Variants in AGO3 observed in about 807,000 individuals in gnomAD.
AGO3 encodes argonaute RISC catalytic component 3.
In AGO3, 16 loss-of-function variants were observed where a neutral mutation model predicts 105.5. That is an observed-to-expected ratio of 0.15 (90% CI 0.10 to 0.23). The LOEUF (loss-of-function observed/expected upper bound fraction) is 0.23. Among genes scored for constraint, AGO3 ranks in the 10% least tolerant of loss-of-function variants. The pLI is 1.00. For missense variants in AGO3, 534 were observed against 1,088.0 expected (o/e 0.49, Z 7.16); for synonymous variants, 340 against 367.3 (o/e 0.93, Z 0.85).
chr1:36,037,038 G>C (rs186930702), intron 14 of AGO3, among the ~76,000 whole-genome samples: 1 of 150,620 alleles, frequency 6.6e-6, no homozygotes, highest in African/African-American at 2.5e-5. Context: ...TTTAACATCT[G>C]CCTGTTATTT....
At chr1:36,029,457 C>T (rs1641665735) in intron 12 of AGO3, among the ~76,000 whole-genome samples, 2 of 135,880 alleles carry the variant, frequency 1.5e-5, no homozygotes, top group Admixed American at 8.0e-5. Context: ...TGCAGTGGTG[C>T]GATCTCGGCT....
intron 2 of AGO3, among the ~76,000 whole-genome samples, chr1:35,950,156 G>A (rs1646444510): frequency 6.6e-6 from 1 of 152,082 alleles, no homozygotes; most frequent in South Asian, 2.1e-4. Context: ...AGAAGGCAGA[G>A]GTTGCAGTGA....
At chr1:36,030,307 G>A (rs1641712515) in intron 12 of AGO3, among the ~76,000 whole-genome samples, 1 of 151,976 alleles carries the variant, frequency 6.6e-6, no homozygotes, top group Admixed American at 6.6e-5. Flanking sequence ...TTCAAGACTA[G>A]TCTGAGCAAC....
At chr1:36,024,455 C>T (rs1189087135) in intron 11 of AGO3, among the ~76,000 whole-genome samples, 3 of 152,014 alleles carry the variant, frequency 2.0e-5, no homozygotes, top group Non-Finnish European at 4.4e-5. Flanking sequence ...TGACATCCTC[C>T]TCTCTTGCCT....
intron 3 of AGO3, among the ~76,000 whole-genome samples, chr1:35,967,741 C>T (rs1207750583): frequency 6.6e-6 from 1 of 151,976 alleles, no homozygotes; most frequent in East Asian, 1.9e-4. Flanking sequence ...ATGTATATTC[C>T]TAAGAACAAT....
chr1:35,995,043 C>CA (rs1042999007), intron 5 of AGO3, among the ~76,000 whole-genome samples: 7 of 150,536 alleles, frequency 4.7e-5, no homozygotes, highest in African/African-American at 1.5e-4. Context: ...TACTAAAATA[C>CA]AAAAAAAATT....
chr1:35,942,501 G>A (rs1557642669), intron 1 of AGO3, among the ~76,000 whole-genome samples: 1 of 152,020 alleles, frequency 6.6e-6, no homozygotes, highest in Non-Finnish European at 1.5e-5. Flanking sequence ...TAATTCTCTA[G>A]TGAAGCCATC....
chr1:36,050,744 CA>C (rs1265270972), intron 17 of AGO3, among the ~76,000 whole-genome samples: 1 of 141,700 alleles, frequency 7.1e-6, no homozygotes, highest in African/African-American at 2.7e-5. Flanking sequence ...GAGCCGAGAT[CA>C]CACCATTGCA....
At chr1:36,042,691 T>A (rs1642300147) in intron 16 of AGO3, among the ~76,000 whole-genome samples, 1 of 152,194 alleles carries the variant, frequency 6.6e-6, no homozygotes, top group Non-Finnish European at 1.5e-5. Context: ...ATAATAAACA[T>A]TTTTAAGTGT....
intron 5 of AGO3, among the ~76,000 whole-genome samples, chr1:35,989,670 T>G (rs1557668332): frequency 1.3e-5 from 2 of 151,558 alleles, no homozygotes; most frequent in Non-Finnish European, 2.9e-5. Context: ...AGTCCAGGAG[T>G]TTGAGACCAG....
At chr1:36,043,349 T>A in intron 16 of AGO3, 98 bp from the exon 17 acceptor site, 1 of 889,902 alleles carries the variant, frequency 1.1e-6, no homozygotes, top group Non-Finnish European at 1.8e-6. Context: ...AGTAGTGAAA[T>A]GTAGGATCAG....
intron 17 of AGO3, among the ~76,000 whole-genome samples, chr1:36,053,645 T>C (rs1169027412): frequency 6.6e-6 from 1 of 151,928 alleles, no homozygotes; most frequent in Non-Finnish European, 1.5e-5. Context: ...AGTGGCACAA[T>C]CACCACTCAC....
chr1:35,968,901 T>A (rs1646817900), intron 3 of AGO3, among the ~76,000 whole-genome samples: 1 of 150,980 alleles, frequency 6.6e-6, no homozygotes, highest in Non-Finnish European at 1.5e-5. Context: ...GTTTTCTGTT[T>A]TGTTTTTTTT....
intron 2 of AGO3, among the ~76,000 whole-genome samples, chr1:35,953,830 T>C (rs1420846585): frequency 6.6e-6 from 1 of 152,082 alleles, no homozygotes; most frequent in African/African-American, 2.4e-5. Flanking sequence ...TTAAATTGGG[T>C]CATTTGTCTT....
intron 2 of AGO3, among the ~76,000 whole-genome samples, chr1:35,961,584 A>G (rs1000625645): frequency 5.9e-5 from 9 of 152,130 alleles, no homozygotes; most frequent in Non-Finnish European, 1.0e-4. Context: ...CCAGACTAAG[A>G]CTTTCCTATT....
chr1:36,031,560 T>A (rs1641777062), intron 12 of AGO3, among the ~76,000 whole-genome samples: 1 of 152,156 alleles, frequency 6.6e-6, no homozygotes, highest in Non-Finnish European at 1.5e-5. Flanking sequence ...ACTAAGTCAT[T>A]CTGGAATTCT....
intron 3 of AGO3, among the ~76,000 whole-genome samples, chr1:35,971,044 A>G (rs182898918): frequency 6.9e-6 from 1 of 145,092 alleles, no homozygotes; most frequent in Non-Finnish European, 1.5e-5. Context: ...ATATATATAT[A>G]TTTTTTATTA....
At chr1:35,967,237 C>G (rs1403628575) in intron 3 of AGO3, among the ~76,000 whole-genome samples, 162 bp downstream of exon 3, 1 of 151,956 alleles carries the variant, frequency 6.6e-6, no homozygotes, top group Admixed American at 6.6e-5. Flanking sequence ...AGAAAAGTTG[C>G]AGGAATCATG....
intron 5 of AGO3, among the ~76,000 whole-genome samples, chr1:35,995,107 A>G (rs963581339): frequency 2.0e-5 from 3 of 151,370 alleles, no homozygotes; most frequent in African/African-American, 7.3e-5. Flanking sequence ...AGGCTGAGGC[A>G]GGAGAAGTGC....
Sources: gnomAD v4.1 joint callset for allele counts (sites outside exome capture counted in the v4.1 genomes callset) on GRCh38, gnomAD v4.1.1 for gene constraint, MANE v1.5 for transcripts, NCBI Gene and HGNC (gene_info 2026-07-23, HGNC 2026-07-21) for gene names.